The following MEST variants were observed in gnomAD, a reference collection of about 807,000 sequenced individuals.
The protein encoded by MEST is mesoderm-specific transcript homolog protein.
Under a neutral mutation model 50.9 loss-of-function variants are expected in MEST, and 18 were observed. The ratio of observed to expected loss-of-function variants is 0.35; its 90% confidence interval spans 0.24 to 0.52. The LOEUF (loss-of-function observed/expected upper bound fraction) is 0.52, where lower values mean the gene tolerates loss of function less well. Ranked by LOEUF, MEST falls within the 20% of genes least tolerant of loss-of-function variation. The pLI, the probability that MEST is intolerant of heterozygous loss-of-function variation, is 0.94. For synonymous variants in MEST, 130 were observed against 154.1 expected, an observed-to-expected ratio of 0.84 and a Z score of 1.16; for missense variants, 282 against 425.3, an observed-to-expected ratio of 0.66 and a Z score of 2.96.
Position 130,497,421 on chromosome 7 carries a change from G to C in MEST, c.261+186G>C, listed in dbSNP as rs1362786095. ...AAAGTATAAAAATTGGCCAGGCATGGTGGCACAAGCCTGTAATCCCAGCTA... is the reference window on the plus strand; with the variant it reads ...AAAGTATAAAAATTGGCCAGGCATGCTGGCACAAGCCTGTAATCCCAGCTA... On this transcript the variant is annotated intron_variant, in intron 3 of 11. Coordinates refer to ENST00000223215, the MANE Select transcript of MEST (RefSeq NM_002402.4). This position sits in a 1 kb window ranked among gnomAD's most constrained non-coding sequence, Gnocchi z 4.0. 1 of 404,510 alleles carries C rather than the reference G, an allele frequency of 2.5e-6. No individual in the cohort carries two copies. The highest frequency in any genetic ancestry group is 2.1e-5 in the African/African-American group (1 of 47,722). 25.1% of individuals were successfully genotyped at this position (404,510 alleles called of 1,614,324 possible). A position where few individuals can be genotyped will look rare whatever the true frequency, so the allele number is the denominator to read the frequency against.
rs1486805581 is a variant in MEST at position 130,506,254 on chromosome 7, G to A, written c.*1198G>A. The A allele has an allele frequency of 6.6e-6, 1 of 152,116 alleles. No homozygotes were observed. The highest frequency in any genetic ancestry group is 1.9e-4 in the East Asian group (1 of 5,186). 9.4% of individuals were successfully genotyped at this position (152,116 alleles called of 1,614,324 possible). A position where few individuals can be genotyped will look rare whatever the true frequency, so the allele number is the denominator to read the frequency against. On this transcript the variant is annotated 3_prime_UTR_variant, in exon 12 of 12. Coordinates refer to ENST00000223215, the MANE Select transcript of MEST (RefSeq NM_002402.4). ...TATAACAACTTTGAAACTGGAATAA[G>A]TGTTTATTTTCTATTAATAAAAATG...
At chr7:130,486,193 G>A (rs962209121) in exon 1 of MEST, 6 of 152,244 alleles carry the variant, frequency 3.9e-5, no homozygotes, top group Non-Finnish European at 8.8e-5. Context: ...CGCCTGGCAG[G>A]GAGAAGGCGG....
chr7:130,498,715 CAT>C (rs1210866026), intron 6 of MEST: 1 of 585,698 alleles, frequency 1.7e-6, no homozygotes, highest in African/African-American at 1.9e-5. Flanking sequence ...ACTTTACTTA[CAT>C]AGTCAATAAA....
Position 130,505,267 on chromosome 7 carries a change from A to G in MEST, c.*211A>G, listed in dbSNP as rs1799436313. ...TAATAGTCCACCTCCCATTACTTTG[A>G]TATCTGATCAAATGTATAGACTTGG... On this transcript the variant is annotated 3_prime_UTR_variant, in exon 12 of 12. Transcript: ENST00000223215. The G allele has an allele frequency of 1.5e-5, 7 of 470,426 alleles. 1 individual carries two copies. The highest frequency in any genetic ancestry group is 5.8e-4 in the Middle Eastern group (1 of 1,712). The allele number at this position is 470,426 out of a possible 1,614,324, so 29.1% of individuals were successfully genotyped here.
intron 4 of MEST, 42 bp downstream of exon 4, chr7:130,498,055 C>T (rs1026734849): frequency 6.2e-7 from 1 of 1,613,498 alleles, no homozygotes; most frequent in African/African-American, 1.3e-5. Flanking sequence ...GGTGTGGGGG[C>T]AGACGCAGAC....
At chr7:130,496,230 A>G (rs1554436950) in intron 2 of MEST, 2 of 450,828 alleles carry the variant, frequency 4.4e-6, no homozygotes, top group South Asian at 1.7e-5. Flanking sequence ...AATTTTTATT[A>G]TGTTGGCTTG....
At chr7:130,487,205 G>C (rs1377807426), upstream of MEST, 1 of 152,144 alleles carries the variant, frequency 6.6e-6, no homozygotes, top group East Asian at 1.9e-4. Context: ...GAAAGTAGCT[G>C]TTTTCCTTAG....
Position 130,492,469 on chromosome 7 carries a change from C to T in MEST, c.26+130C>T, listed in dbSNP as rs557843911. On this transcript the variant is annotated intron_variant, in intron 1 of 11. Transcript: ENST00000223215. The surrounding 1 kb of genome is among the most constrained non-coding windows in gnomAD (Gnocchi z 7.6). ...GCGAAAACTCTACCGACAGGCGGCA[C>T]GCATTCCGCGCCCGCTCTGCCTACT... The T allele has an allele frequency of 3.8e-5, 28 of 735,836 alleles. No individual in the cohort carries two copies. The highest frequency in any genetic ancestry group is 3.5e-4 in the Admixed American group (8 of 22,828). 45.6% of individuals were successfully genotyped at this position (735,836 alleles called of 1,614,324 possible). A position where few individuals can be genotyped will look rare whatever the true frequency, so the allele number is the denominator to read the frequency against.
chr7:130,497,174 G>C lies in MEST; in HGVS notation c.200G>C (p.Gly67Ala), dbSNP rs1191681803. The C allele has an allele frequency of 6.2e-7, 1 of 1,612,710 alleles. No individual in the cohort carries two copies. Among genetic ancestry groups the C allele is most frequent in the African/African-American group, 1.3e-5 (1 of 74,802 alleles). Residue 67 changes from glycine to alanine, a missense_variant, in exon 3 of 12, where the codon GGA (glycine) becomes GCA (alanine). Transcript: ENST00000223215. The surrounding 1 kb of genome is among the most constrained non-coding windows in gnomAD (Gnocchi z 4.0). ...IFYQDSVGVV[G>A]SPEIVVLLHG... ...TTCCTAGACTCTGTGGGTGTGGTTG[G>C]AAGTCCAGAGATAGTTGTGCTTTTA... is the stretch of plus-strand genomic sequence containing the variant.
At position 130,500,397 on chromosome 7, in the gene MEST, C is replaced by G. The variant is rs1554438229; in HGVS notation, c.577-65C>G. 7.1e-7 allele frequency: 1 copy of G among 1,401,114 alleles called. No individual in the cohort carries two copies. Among genetic ancestry groups the G allele is most frequent in the African/African-American group, 1.4e-5 (1 of 70,042 alleles). The allele number at this position is 1,401,114 out of a possible 1,614,324, so 86.8% of individuals were successfully genotyped here. On this transcript the variant is annotated intron_variant, in intron 7 of 11. Transcript: ENST00000223215. The surrounding 1 kb of genome is among the most constrained non-coding windows in gnomAD (Gnocchi z 5.0). ...TAAAGATTTAGTTCCTAGTATAAAACCTTTTGCCCCGGTGAGGATCTTCCT... is the reference window on the plus strand; with the variant it reads ...TAAAGATTTAGTTCCTAGTATAAAAGCTTTTGCCCCGGTGAGGATCTTCCT...
intron 9 of MEST, among the ~76,000 whole-genome samples, chr7:130,501,235 C>T (rs1799267000): frequency 6.6e-6 from 1 of 152,118 alleles, no homozygotes; most frequent in South Asian, 2.1e-4. Flanking sequence ...AATTCCCATG[C>T]CTTGGTTCAA....
At chr7:130,490,066 A>G (rs898133822), upstream of MEST, 1 of 152,240 alleles carries the variant, frequency 6.6e-6, no homozygotes, top group Non-Finnish European at 1.5e-5. Context: ...TGTTATTGTT[A>G]TTATTAAAAT....
intron 7 of MEST, 71 bp downstream of exon 7, chr7:130,499,986 G>C (rs1554438150): frequency 2.4e-6 from 3 of 1,259,590 alleles, no homozygotes; most frequent in Non-Finnish European, 3.4e-6. Flanking sequence ...GACCTTTTAA[G>C]GGCCATAGCT....
In MEST at chr7:130,499,927, A is replaced by T. The variant is rs782438572; in HGVS notation, c.576+12A>T. On this transcript the variant is annotated intron_variant, in intron 7 of 11. Coordinates refer to ENST00000223215, the MANE Select transcript of MEST (RefSeq NM_002402.4). ...TCCTTCTCCAAAAGGTTGGTACTTC[A>T]CTGATAGACCTTTAGTTTTAGGATT... The T allele has an allele frequency of 6.2e-7, 1 of 1,609,628 alleles. No homozygotes were observed. Among genetic ancestry groups the T allele is most frequent in the South Asian group, 1.1e-5 (1 of 90,568 alleles).
chr7:130,490,549 G>T (rs1798764234), upstream of MEST, among the ~76,000 whole-genome samples: 1 of 152,196 alleles, frequency 6.6e-6, no homozygotes, highest in Admixed American at 6.5e-5. Flanking sequence ...CACCGTGGCG[G>T]GCTCTGGGGC....
chr7:130,492,292 G>A lies in MEST; in HGVS notation c.-22G>A. The A allele has an allele frequency of 2.2e-6, 3 of 1,348,054 alleles. No individual in the cohort carries two copies. Among genetic ancestry groups the A allele is most frequent in the Non-Finnish European group, 2.9e-6 (3 of 1,050,548 alleles). The allele number at this position is 1,348,054 out of a possible 1,614,324, so 83.5% of individuals were successfully genotyped here. A position where few individuals can be genotyped will look rare whatever the true frequency, so the allele number is the denominator to read the frequency against. On this transcript the variant is annotated 5_prime_UTR_variant, in exon 1 of 12. Transcript: ENST00000223215. This position sits in a 1 kb window ranked among gnomAD's most constrained non-coding sequence, Gnocchi z 7.6. ...CCCGGTGCTCTGCAACGCTGCGGCGGGCGGCATGGGATAACGCGGCCATGG... is the reference window on the plus strand; with the variant it reads ...CCCGGTGCTCTGCAACGCTGCGGCGAGCGGCATGGGATAACGCGGCCATGG...
rs1019319086 is a variant in MEST at position 130,497,495 on chromosome 7, T to A, written c.261+260T>A. 5 of 282,068 alleles carry A rather than the reference T, an allele frequency of 1.8e-5. No homozygotes were observed. Among genetic ancestry groups the A allele is most frequent in the Non-Finnish European group, 3.3e-5 (5 of 149,554 alleles). 17.5% of individuals were successfully genotyped at this position (282,068 alleles called of 1,614,324 possible). ...TCGCTTGAACCCGGGAGGCAGAGGTTGCAGTGAGCTGAGATTGCACCACTG... is the reference window on the plus strand; with the variant it reads ...TCGCTTGAACCCGGGAGGCAGAGGTAGCAGTGAGCTGAGATTGCACCACTG... On this transcript the variant is annotated intron_variant, in intron 3 of 11. Coordinates refer to ENST00000223215, the MANE Select transcript of MEST (RefSeq NM_002402.4). The surrounding 1 kb of genome is among the most constrained non-coding windows in gnomAD (Gnocchi z 4.0).
In MEST at chr7:130,500,054, T is replaced by C. The variant is rs923614756; in HGVS notation, c.576+139T>C. Reference sequence around the variant, plus strand: ...TGTGAATTTCTATTAATGAAGTTACTTTTTCCCTTCTTAGGCAACTAAAGC... The same window carrying C: ...TGTGAATTTCTATTAATGAAGTTACCTTTTCCCTTCTTAGGCAACTAAAGC... On this transcript the variant is annotated intron_variant, in intron 7 of 11. Transcript: ENST00000223215. The surrounding 1 kb of genome is among the most constrained non-coding windows in gnomAD (Gnocchi z 5.0). The C allele has an allele frequency of 1.3e-6, 1 of 777,968 alleles. No individual in the cohort carries two copies. The highest frequency in any genetic ancestry group is 2.1e-5 in the South Asian group (1 of 48,522). 48.2% of individuals were successfully genotyped at this position (777,968 alleles called of 1,614,324 possible).
Position 130,505,208 on chromosome 7 carries a change from A to G in MEST, c.*152A>G, listed in dbSNP as rs1414935607. ...CTCAAATTGGTGAACAGTGTATAGG[A>G]AGAAGCCAGCAGGAGCTCTGACTAA... On this transcript the variant is annotated 3_prime_UTR_variant, in exon 12 of 12. Transcript: ENST00000223215. 3.2e-6 allele frequency: 2 copies of G among 629,532 alleles called. No homozygotes were observed. Among genetic ancestry groups the G allele is most frequent in the Non-Finnish European group, 5.7e-6 (2 of 353,680 alleles). 39.0% of individuals were successfully genotyped at this position (629,532 alleles called of 1,614,324 possible). A position where few individuals can be genotyped will look rare whatever the true frequency, so the allele number is the denominator to read the frequency against.
Sources: gnomAD v4.1 joint callset for allele counts (sites outside exome capture counted in the v4.1 genomes callset) on GRCh38, gnomAD v4.1.1 for gene constraint, Gnocchi (gnomAD v3.1) non-coding constraint, MANE v1.5 for transcripts, NCBI Gene and HGNC (gene_info 2026-07-23, HGNC 2026-07-21) for gene names.